SLC8A1: variants seen among roughly 807,000 people sequenced by gnomAD.
The protein encoded by SLC8A1 is solute carrier family 8 member A1, also known as sodium/calcium exchanger 1.
Under a neutral mutation model 68.3 loss-of-function variants are expected in SLC8A1, and 18 were observed. The ratio of observed to expected loss-of-function variants is 0.26; its 90% CI spans 0.18 to 0.39. The LOEUF is 0.39. Ranked by LOEUF, SLC8A1 falls within the 10% of genes least tolerant of loss-of-function variation. The pLI is 1.00. For missense variants in SLC8A1, 985 were observed against 1,156.7 expected (o/e 0.85, Z 2.15); for synonymous variants, 475 against 415.5 (o/e 1.14, Z -1.74).
intron 1 of SLC8A1, among the ~76,000 whole-genome samples, chr2:40,494,841 T>A (rs1385919103): frequency 6.6e-6 from 1 of 151,478 alleles, no homozygotes; most frequent in Non-Finnish European, 1.5e-5. Flanking sequence ...TTAGTTATAT[T>A]TCTAAGGAAC....
At chr2:40,128,648 G>T (rs542901196) in intron 7 of SLC8A1, among the ~76,000 whole-genome samples, 1 of 152,310 alleles carries the variant, frequency 6.6e-6, no homozygotes, top group East Asian at 1.9e-4. Flanking sequence ...AAGCGCCATT[G>T]TGTGATCCCC....
chr2:40,253,554 G>A (rs34971853), intron 2 of SLC8A1, among the ~76,000 whole-genome samples: 22,114 of 151,932 alleles, frequency 0.15, 2,041 homozygotes, highest in African/African-American at 0.24. Context: ...GGCCTGGCGC[G>A]GTGGCTCATG....
At chr2:40,274,899 C>T (rs1310207852) in intron 2 of SLC8A1, among the ~76,000 whole-genome samples, 1 of 152,068 alleles carries the variant, frequency 6.6e-6, no homozygotes, top group Non-Finnish European at 1.5e-5. Flanking sequence ...GTTGTTTATC[C>T]TTTATATTAA....
chr2:40,170,343 G>C, intron 4 of SLC8A1: 1 of 1,614,026 alleles, frequency 6.2e-7, no homozygotes, highest in African/African-American at 1.3e-5. Flanking sequence ...CCTGAAGACA[G>C]GTTGGCCTAG....
At chr2:40,429,650 T>C in exon 2 of SLC8A1, 2 of 1,613,798 alleles carry the variant, frequency 1.2e-6, no homozygotes, top group Non-Finnish European at 1.7e-6. Context: ...GCAAAGATGC[T>C]CCAGGCTGCT....
chr2:40,412,698 A>C (rs1327385799), intron 2 of SLC8A1, among the ~76,000 whole-genome samples: 1 of 152,152 alleles, frequency 6.6e-6, no homozygotes, highest in East Asian at 1.9e-4. Flanking sequence ...TGTCCACAAA[A>C]CCACAGCTGC....
intron 1 of SLC8A1, among the ~76,000 whole-genome samples, chr2:40,461,299 G>C (rs1200706567): frequency 1.3e-5 from 2 of 152,150 alleles, no homozygotes; most frequent in Admixed American, 1.3e-4. Flanking sequence ...ATGAATGGTA[G>C]CAATAAAAAG....
At chr2:40,135,165 G>A (rs1239941796) in intron 7 of SLC8A1, among the ~76,000 whole-genome samples, 1 of 152,212 alleles carries the variant, frequency 6.6e-6, no homozygotes, top group Non-Finnish European at 1.5e-5. Flanking sequence ...AAGATAGGCA[G>A]GGGCCAAATC....
chr2:40,232,923 T>G (rs960429438), intron 2 of SLC8A1, among the ~76,000 whole-genome samples: 1 of 150,720 alleles, frequency 6.6e-6, no homozygotes, highest in Non-Finnish European at 1.5e-5. Context: ...ACAAAGGACA[T>G]GAACTCATCC....
intron 2 of SLC8A1, among the ~76,000 whole-genome samples, chr2:40,414,132 T>C (rs1693070636): frequency 6.6e-6 from 1 of 152,220 alleles, no homozygotes. Context: ...TCAAGCATTT[T>C]ATGAAATGAA....
intron 2 of SLC8A1, among the ~76,000 whole-genome samples, chr2:40,281,166 C>T (rs1006029192): frequency 3.3e-5 from 5 of 151,950 alleles, no homozygotes; most frequent in South Asian, 2.1e-4. Context: ...TATTAACAAA[C>T]GGAGTTTACC....
intron 2 of SLC8A1, among the ~76,000 whole-genome samples, chr2:40,316,116 C>G (rs534580816): frequency 6.6e-6 from 1 of 152,056 alleles, no homozygotes; most frequent in African/African-American, 2.4e-5. Context: ...GGGTACCTCA[C>G]TGACATAGTA....
chr2:40,456,601 A>C (rs149725473), upstream of SLC8A1, among the ~76,000 whole-genome samples: 1,335 of 152,268 alleles, frequency 8.8e-3, 5 homozygotes, highest in Admixed American at 0.014. Flanking sequence ...CTTAAATCTC[A>C]ATATCTTTGT....
chr2:40,133,663 G>A (rs546742769), intron 7 of SLC8A1, among the ~76,000 whole-genome samples: 19 of 150,334 alleles, frequency 1.3e-4, no homozygotes, highest in African/African-American at 4.4e-4. Context: ...ACCAAGACGC[G>A]CAGAGAAAGA....
chr2:40,347,174 G>A (rs769405802), intron 2 of SLC8A1, among the ~76,000 whole-genome samples: 3 of 152,082 alleles, frequency 2.0e-5, no homozygotes, highest in Non-Finnish European at 4.4e-5. Flanking sequence ...GTAGCCTATC[G>A]CCCAGGCTAG....
At chr2:40,169,693 C>T (rs976356171) in intron 4 of SLC8A1, among the ~76,000 whole-genome samples, 2 of 152,160 alleles carry the variant, frequency 1.3e-5, no homozygotes, top group African/African-American at 4.8e-5. Context: ...GTAATCCTAA[C>T]ACTTGGTGAG....
chr2:40,242,046 A>T (rs2061293408), intron 2 of SLC8A1, among the ~76,000 whole-genome samples: 1 of 152,140 alleles, frequency 6.6e-6, no homozygotes, highest in Middle Eastern at 3.2e-3. Flanking sequence ...CAGAAAATAA[A>T]TATTGATGGG....
intron 6 of SLC8A1, among the ~76,000 whole-genome samples, chr2:40,159,791 C>G (rs537100109): frequency 5.3e-4 from 80 of 152,246 alleles, no homozygotes; most frequent in African/African-American, 1.9e-3. Flanking sequence ...TAATAATAAA[C>G]AGGCATAAAA....
exon 2 of SLC8A1, chr2:40,428,478 T>C (rs1294982649): frequency 1.3e-6 from 2 of 1,584,900 alleles, no homozygotes; most frequent in African/African-American, 2.7e-5. Flanking sequence ...CTTACACAAT[T>C]TCATCATTCT....
Sources: allele counts gnomAD v4.1 joint callset (sites outside exome capture counted in the v4.1 genomes callset), GRCh38; gene constraint gnomAD v4.1.1; transcripts MANE v1.5; gene names NCBI Gene and HGNC (gene_info 2026-07-23, HGNC 2026-07-21).